The following CORO1C variants were observed in gnomAD, a reference collection of about 807,000 sequenced individuals.
CORO1C encodes coronin-1C.
Under a neutral mutation model 51.2 loss-of-function variants are expected in CORO1C, and 14 were observed. That is an observed-to-expected ratio of 0.27 (90% confidence interval 0.18 to 0.43). The LOEUF is 0.43. Ranked by LOEUF, CORO1C falls within the 20% of genes least tolerant of loss-of-function variation. The probability of loss-of-function intolerance (pLI) is 1.00; values close to 1 mark genes in which losing one functional copy is unlikely to be tolerated. For synonymous variants in CORO1C, 181 were observed against 210.5 expected (o/e 0.86, Z 1.21); for missense variants, 417 against 607.8 (o/e 0.69, Z 3.30).
intron 2 of CORO1C, among the ~76,000 whole-genome samples, chr12:108,679,097 G>A (rs1178743477): frequency 1.0e-5 from 1 of 98,954 alleles, no homozygotes; most frequent in African/African-American, 4.1e-5. Context: ...GCGACAGAGA[G>A]AGACTCTGTC....
intron 3 of CORO1C, among the ~76,000 whole-genome samples, chr12:108,671,187 T>C (rs1427457611): frequency 6.6e-6 from 1 of 151,540 alleles, no homozygotes; most frequent in Non-Finnish European, 1.5e-5. Context: ...AAATAGAAAA[T>C]TAGCTGGGCA....
chr12:108,717,674 G>A (rs2035372135), intron 1 of CORO1C, among the ~76,000 whole-genome samples: 1 of 152,162 alleles, frequency 6.6e-6, no homozygotes, highest in Admixed American at 6.5e-5. Flanking sequence ...ATGGTTGGGG[G>A]TGCCTTCCCA....
intron 1 of CORO1C, among the ~76,000 whole-genome samples, chr12:108,721,002 C>T (rs992541587): frequency 2.0e-5 from 3 of 151,940 alleles, no homozygotes; most frequent in African/African-American, 7.3e-5. Context: ...ATGGAGGCAC[C>T]AAAAAATGTA....
At chr12:108,726,892 T>C (rs1428341906) in intron 1 of CORO1C, among the ~76,000 whole-genome samples, 5 of 152,182 alleles carry the variant, frequency 3.3e-5, no homozygotes, top group African/African-American at 4.8e-5. Context: ...TGTTCTGCCA[T>C]TGGGGAAATG....
At chr12:108,675,385 G>A (rs902307705) in intron 3 of CORO1C, among the ~76,000 whole-genome samples, 1 of 152,128 alleles carries the variant, frequency 6.6e-6, no homozygotes, top group African/African-American at 2.4e-5. Context: ...AAATCTTGAA[G>A]AGGTTTCAAT....
chr12:108,657,574 A>T, intron 5 of CORO1C, 151 bp from the exon 6 acceptor site: 2 of 732,436 alleles, frequency 2.7e-6, no homozygotes, highest in Admixed American at 5.5e-5. Flanking sequence ...CCTTCCCCAG[A>T]TGAGGAAACA....
At chr12:108,698,104 C>G (rs556793154) in intron 2 of CORO1C, among the ~76,000 whole-genome samples, 5 of 152,182 alleles carry the variant, frequency 3.3e-5, no homozygotes, top group African/African-American at 9.6e-5. Context: ...CCAGGGCTCA[C>G]GGGCCAAGCC....
intron 10 of CORO1C, 127 bp downstream of exon 10, chr12:108,648,478 T>A: frequency 7.6e-7 from 1 of 1,318,026 alleles, no homozygotes; most frequent in Non-Finnish European, 1.1e-6. Flanking sequence ...TTCTCCCACT[T>A]TTTCATTTAC....
rs929602462 is a variant in CORO1C at position 108,719,742 on chromosome 12, A to C, written c.-6+11687T>G. Among the ~76,000 whole-genome samples the C allele has an allele frequency of 4.6e-5, 7 of 152,236 alleles. 1 individual carries two copies. Among genetic ancestry groups the C allele is most frequent in the East Asian group, 1.9e-4 (1 of 5,204 alleles). ...ATTAAAGGATGAGAAACTCAAAAAG[A>C]GAAAGATAGTGAAGGAAAACAGCTT... is the stretch of plus-strand genomic sequence containing the variant. On this transcript the variant is annotated intron_variant, in intron 1 of 10. Transcript: ENST00000261401.
At chr12:108,715,229 G>C (rs1288584860) in intron 1 of CORO1C, among the ~76,000 whole-genome samples, 1 of 151,882 alleles carries the variant, frequency 6.6e-6, no homozygotes, top group East Asian at 1.9e-4. Context: ...GCGAAACTGT[G>C]TCTCTTAAAA....
intron 8 of CORO1C, among the ~76,000 whole-genome samples, chr12:108,651,880 C>G (rs1226344434): frequency 6.6e-6 from 1 of 151,888 alleles, no homozygotes; most frequent in Non-Finnish European, 1.5e-5. Context: ...GTGAGATGTG[C>G]CGGGTGTGGT....
At chr12:108,709,139 C>G (rs1189799282) in intron 1 of CORO1C, among the ~76,000 whole-genome samples, 2 of 151,996 alleles carry the variant, frequency 1.3e-5, no homozygotes, top group Non-Finnish European at 2.9e-5. Flanking sequence ...ATACTATAAA[C>G]CGCTGAACTG....
At chr12:108,676,809 G>A (rs907823256) in intron 3 of CORO1C, among the ~76,000 whole-genome samples, 3 of 150,848 alleles carry the variant, frequency 2.0e-5, no homozygotes, top group Admixed American at 6.6e-5. Flanking sequence ...AGGTCTAAAC[G>A]ATATTCCTTT....
intron 1 of CORO1C, among the ~76,000 whole-genome samples, chr12:108,714,887 G>T (rs547929566): frequency 6.6e-6 from 1 of 152,152 alleles, no homozygotes; most frequent in African/African-American, 2.4e-5. Context: ...TTCTTACAAA[G>T]AGACTTGGTT....
At chr12:108,653,835 T>C (rs527515664) in intron 7 of CORO1C, among the ~76,000 whole-genome samples, 167 of 152,318 alleles carry the variant, frequency 1.1e-3, no homozygotes, top group African/African-American at 3.8e-3. Context: ...CAAAGCACCA[T>C]TCTCCTTCCA....
intron 2 of CORO1C, among the ~76,000 whole-genome samples, chr12:108,693,433 C>T (rs758975367): frequency 3.3e-5 from 5 of 152,152 alleles, no homozygotes; most frequent in Admixed American, 6.6e-5. Context: ...AAACGAAAGA[C>T]GCCATGTTGA....
chr12:108,676,596 A>C (rs2033917320), intron 3 of CORO1C, among the ~76,000 whole-genome samples: 1 of 151,810 alleles, frequency 6.6e-6, no homozygotes, highest in Non-Finnish European at 1.5e-5. Flanking sequence ...ACATGATGAA[A>C]CTCCGTTTCT....
At chr12:108,675,258 G>A (rs1266904216) in intron 3 of CORO1C, among the ~76,000 whole-genome samples, 1 of 152,264 alleles carries the variant, frequency 6.6e-6, no homozygotes, top group Admixed American at 6.5e-5. Flanking sequence ...ACTTCCGAAA[G>A]AAATGGCTTG....
At chr12:108,664,017 G>A (rs2136815847) in intron 3 of CORO1C, among the ~76,000 whole-genome samples, 1 of 152,268 alleles carries the variant, frequency 6.6e-6, no homozygotes, top group African/African-American at 2.4e-5. Flanking sequence ...AAAAGGTTAA[G>A]AAACAAACAA....
Sources: gnomAD v4.1 joint callset for allele counts (sites outside exome capture counted in the v4.1 genomes callset) on GRCh38, gnomAD v4.1.1 for gene constraint, MANE v1.5 for transcripts, NCBI Gene and HGNC (gene_info 2026-07-23, HGNC 2026-07-21) for gene names.